Variants in GALK2 observed in about 807,000 individuals in gnomAD.
GALK2 encodes N-acetylgalactosamine kinase.
A neutral mutation model predicts 52.4 loss-of-function variants in GALK2; 36 were observed. The ratio of observed to expected loss-of-function variants is 0.69; its 90% confidence interval spans 0.53 to 0.91. GALK2 has a LOEUF of 0.91. GALK2 is among the 40% of genes least tolerant of loss of function. The pLI is 0.00. For synonymous variants in GALK2, 176 were observed against 199.1 expected, an observed-to-expected ratio of 0.88 and a Z score of 0.98; for missense variants, 579 against 559.1, an observed-to-expected ratio of 1.04 and a Z score of -0.36.
chr15:49,342,450 G>A (rs2040880420), intron 3 of GALK2, among the ~76,000 whole-genome samples: 1 of 152,268 alleles, frequency 6.6e-6, no homozygotes, highest in African/African-American at 2.4e-5. Flanking sequence ...GTCTCTTGAA[G>A]ACAGCAGATG....
intron 3 of GALK2, among the ~76,000 whole-genome samples, chr15:49,352,918 G>A (rs1200667106): frequency 1.3e-5 from 2 of 152,124 alleles, no homozygotes; most frequent in African/African-American, 4.8e-5. Flanking sequence ...TGTTACACTG[G>A]TGTTCTGTCT....
intron 3 of GALK2, among the ~76,000 whole-genome samples, chr15:49,362,091 T>G (rs1334541825): frequency 6.6e-6 from 1 of 152,118 alleles, no homozygotes; most frequent in African/African-American, 2.4e-5. Flanking sequence ...CTTAATGGGT[T>G]TGTTTGCTGT....
intron 5 of GALK2, among the ~76,000 whole-genome samples, chr15:49,258,817 TGTGTGTGTGTGTGAGA>T (rs2091936026): frequency 2.7e-4 from 40 of 145,776 alleles, no homozygotes; most frequent in Non-Finnish European, 2.1e-4. Context: ...TGTGTGTGTG[TGTGTGTGTGTGTGAGA>T]GAGAGAGAGA....
intron 1 of GALK2, among the ~76,000 whole-genome samples, chr15:49,192,525 A>ATATATG (rs1555400547): frequency 9.7e-5 from 12 of 123,148 alleles, no homozygotes; most frequent in African/African-American, 3.3e-4. Flanking sequence ...ATATATATAT[A>ATATATG]GTTGGAGGTG....
At chr15:49,285,794 C>T (rs557012609) in intron 7 of GALK2, among the ~76,000 whole-genome samples, 77 of 152,138 alleles carry the variant, frequency 5.1e-4, no homozygotes, top group Non-Finnish European at 7.5e-4. Context: ...AACAGCATGA[C>T]GGCTTAGAAA....
intron 5 of GALK2, among the ~76,000 whole-genome samples, chr15:49,272,035 A>C (rs999233235): frequency 6.6e-6 from 1 of 152,184 alleles, no homozygotes; most frequent in African/African-American, 2.4e-5. Flanking sequence ...AGATATGCAT[A>C]AATTGTGCTC....
At chr15:49,228,000 C>T (rs1434406302) in intron 3 of GALK2, among the ~76,000 whole-genome samples, 2 of 152,024 alleles carry the variant, frequency 1.3e-5, no homozygotes, top group South Asian at 2.1e-4. Flanking sequence ...GTATAGTATC[C>T]TTGGCTGCCA....
At chr15:49,171,366 G>A (rs1277392823) in intron 1 of GALK2, among the ~76,000 whole-genome samples, 1 of 152,158 alleles carries the variant, frequency 6.6e-6, no homozygotes, top group African/African-American at 2.4e-5. Context: ...ACAGACGTGA[G>A]CCATCGCGCC....
intron 9 of GALK2, among the ~76,000 whole-genome samples, chr15:49,323,950 G>C (rs140929484): frequency 6.6e-6 from 1 of 152,178 alleles, no homozygotes; most frequent in African/African-American, 2.4e-5. Context: ...GAATTATAAA[G>C]TATCTTTTGT....
intron 9 of GALK2, among the ~76,000 whole-genome samples, chr15:49,322,628 T>C (rs2151090803): frequency 6.6e-6 from 1 of 152,242 alleles, no homozygotes. Flanking sequence ...CTTTGTACCG[T>C]GTGAAATTGC....
chr15:49,213,006 A>G (rs2089052172), intron 2 of GALK2, among the ~76,000 whole-genome samples: 1 of 152,154 alleles, frequency 6.6e-6, no homozygotes, highest in Non-Finnish European at 1.5e-5. Flanking sequence ...ATAAATATCC[A>G]TTTGTTCTAT....
intron 3 of GALK2, among the ~76,000 whole-genome samples, chr15:49,364,648 T>C (rs1374899405): frequency 6.6e-6 from 1 of 152,182 alleles, no homozygotes; most frequent in African/African-American, 2.4e-5. Context: ...ATTTCTAACC[T>C]CTGCAGTGAT....
At chr15:49,334,173 A>G, downstream of GALK2, 1 of 798,008 alleles carries the variant, frequency 1.3e-6, no homozygotes, top group Non-Finnish European at 1.5e-6. Flanking sequence ...CATCTCTTCA[A>G]TTAAAGATGA....
chr15:49,181,501 C>CT (rs370757144), intron 1 of GALK2, among the ~76,000 whole-genome samples: 5,118 of 113,554 alleles, frequency 0.045, 221 homozygotes, highest in East Asian at 0.088. Flanking sequence ...AAAAAAAAGA[C>CT]TTTTTTTTTT....
intron 1 of GALK2, among the ~76,000 whole-genome samples, chr15:49,181,670 C>G (rs2085980916): frequency 6.6e-6 from 1 of 151,288 alleles, no homozygotes; most frequent in African/African-American, 2.4e-5. Context: ...CGCCACCATG[C>G]CTGGCTAATT....
chr15:49,245,350 T>C (rs1476003651), intron 5 of GALK2, among the ~76,000 whole-genome samples: 3 of 152,226 alleles, frequency 2.0e-5, no homozygotes, highest in African/African-American at 7.2e-5. Flanking sequence ...GGGCTGCCTT[T>C]GTTGTTGTTA....
chr15:49,257,884 A>G lies in GALK2; in HGVS notation c.504+18517A>G, dbSNP rs185253386. ...AAAGCAATATATTCTATTTTATAAG[A>G]TTATGGATTATTTTATTTAATTTTA... On this transcript the variant is annotated intron_variant, in intron 5 of 9. Transcript: ENST00000560031. 1.3e-3 allele frequency among the ~76,000 whole-genome samples: 203 copies of G among 150,628 alleles called. 4 individuals are homozygous for G. The highest frequency in any genetic ancestry group is 8.4e-4 in the Non-Finnish European group (57 of 67,620).
chr15:49,335,262 C>T (rs1015213325), downstream of GALK2, among the ~76,000 whole-genome samples: 2 of 152,172 alleles, frequency 1.3e-5, no homozygotes, highest in African/African-American at 4.8e-5. Flanking sequence ...ACAACATACA[C>T]CCTTGACACT....
At chr15:49,359,824 G>T (rs1409603017) in intron 3 of GALK2, among the ~76,000 whole-genome samples, 1 of 138,990 alleles carries the variant, frequency 7.2e-6, no homozygotes, top group East Asian at 2.2e-4. Context: ...CAATAGCAAA[G>T]ACTTGGAACC....
Sources: gnomAD v4.1 joint callset for allele counts (sites outside exome capture counted in the v4.1 genomes callset) on GRCh38, gnomAD v4.1.1 for gene constraint, MANE v1.5 for transcripts, NCBI Gene and HGNC (gene_info 2026-07-23, HGNC 2026-07-21) for gene names.